BUB1: variants seen among roughly 807,000 people sequenced by gnomAD.
BUB1 encodes BUB1 mitotic checkpoint serine/threonine kinase.
A neutral mutation model predicts 135.2 loss-of-function variants in BUB1; 84 were observed. That is an observed-to-expected ratio of 0.62 (90% CI 0.52 to 0.74). The LOEUF (loss-of-function observed/expected upper bound fraction) is 0.74. Ranked by LOEUF, BUB1 falls within the 30% of genes least tolerant of loss-of-function variation. The probability of loss-of-function intolerance (pLI) is 0.00; values close to 1 mark genes in which losing one functional copy is unlikely to be tolerated. For synonymous variants in BUB1, 403 were observed against 434.4 expected (o/e 0.93, Z 0.90); for missense variants, 1,162 against 1,288.3 (o/e 0.90, Z 1.50).
rs1046571994 is a variant in BUB1 at position 110,667,825 on chromosome 2, A to G, written c.592T>C (p.Ser198Pro). 5.6e-6 allele frequency: 9 copies of G among 1,613,402 alleles called. No homozygotes were observed. Among genetic ancestry groups the G allele is most frequent in the Non-Finnish European group, 7.6e-6 (9 of 1,179,934 alleles). Reference protein sequence around the residue: ...NQGSELSGVISSACDKESNME... With the variant: ...NQGSELSGVIPSACDKESNME... ...TTTGACTCTTTATCACAAGCTGAAG[A>G]TATCACTCCAGAAAGCTCTGAACCC... Residue 198 changes from serine (S) to proline (P), a missense_variant, in exon 7 of 25, where the codon TCT (serine) becomes CCT (proline). Physicochemically the swap from Ser to Pro is moderately conservative, Grantham distance 74. Transcript: ENST00000302759.
intron 4 of BUB1, 125 bp from the exon 5 acceptor site, chr2:110,670,693 G>A: frequency 1.1e-6 from 1 of 875,670 alleles, no homozygotes; most frequent in Non-Finnish European, 1.7e-6. Context: ...AAGAGAGAAT[G>A]TACAGTTGCA....
At position 110,641,890 on chromosome 2, in the gene BUB1, G is replaced by A. The variant is rs568383960; in HGVS notation, c.2464-87C>T. Reference sequence around the variant, plus strand: ...AGCAACCTCTATCCCAATAAAAGATGTGGTGTTGATAGTGATGACAAGCTA... The same window carrying A: ...AGCAACCTCTATCCCAATAAAAGATATGGTGTTGATAGTGATGACAAGCTA... On this transcript the variant is annotated intron_variant, in intron 20 of 24. Transcript: ENST00000302759. 137 of 1,418,088 alleles carry A rather than the reference G, an allele frequency of 9.7e-5. No individual in the cohort carries two copies. In the East Asian group the frequency reaches 2.8e-3, roughly 29 times the overall value. The allele number at this position is 1,418,088 out of a possible 1,614,324, so 87.8% of individuals were successfully genotyped here. A position where few individuals can be genotyped will look rare whatever the true frequency, so the allele number is the denominator to read the frequency against.
intron 18 of BUB1, 141 bp downstream of exon 18, chr2:110,650,405 A>T: frequency 1.4e-6 from 1 of 697,230 alleles, no homozygotes. Context: ...ATTGTGATGC[A>T]TTATGCAAGT....
chr2:110,667,401 G>C, intron 8 of BUB1, 120 bp downstream of exon 8: 3 of 1,088,302 alleles, frequency 2.8e-6, no homozygotes, highest in Non-Finnish European at 3.9e-6. Context: ...GATAGGATGA[G>C]ATGAAGACTT....
chr2:110,655,889 A>G lies in BUB1; in HGVS notation c.1726T>C (p.Leu576=), dbSNP rs1311895785. ...ATACCCCATACAGTTGAGTCATCCA[A>G]AAACTCTTCAGCATGAGGCACTTCC... ...KEEVPHAEEF[L]DDSTVWGIRC... The change falls in exon 16 of 25, where the codon TTG becomes CTG. Residue 576 remains leucine, a synonymous_variant. Coordinates refer to ENST00000302759, the MANE Select transcript of BUB1 (RefSeq NM_004336.5). 3 of 1,613,502 alleles carry G rather than the reference A, an allele frequency of 1.9e-6. No homozygotes were observed. The highest frequency in any genetic ancestry group is 2.5e-6 in the Non-Finnish European group (3 of 1,179,646).
intron 14 of BUB1, 55 bp from the exon 15 acceptor site, chr2:110,657,172 C>G (rs908380592): frequency 6.9e-7 from 1 of 1,452,970 alleles, no homozygotes; most frequent in African/African-American, 1.4e-5. Flanking sequence ...GAAATAAATG[C>G]TATCACTTGA....
chr2:110,677,878 G>A (rs1690635604), intron 1 of BUB1, 92 bp downstream of exon 1: 1 of 1,439,846 alleles, frequency 6.9e-7, no homozygotes, highest in Non-Finnish European at 9.5e-7. Flanking sequence ...GGGGCGAAGG[G>A]GGCAAAAGAA....
Position 110,649,385 on chromosome 2 carries a change from G to GAA in BUB1, c.2204-10_2204-9dup. 7.1e-7 allele frequency: 1 copy of GAA among 1,410,256 alleles called. No individual in the cohort carries two copies. The highest frequency in any genetic ancestry group is 9.3e-7 in the Non-Finnish European group (1 of 1,077,372). The allele number at this position is 1,410,256 out of a possible 1,614,324, so 87.4% of individuals were successfully genotyped here. Reference sequence around the variant, plus strand: ...GGTTCCCAACAATGAAGTCTTAAAGGAATGAGAAAAAAAAAAAAAAAGGGA... The same window carrying GAA: ...GGTTCCCAACAATGAAGTCTTAAAGGAAAATGAGAAAAAAAAAAAAAAAGGGA... On this transcript the variant is annotated splice_polypyrimidine_tract_variant and intron_variant, in intron 18 of 24. Coordinates refer to ENST00000302759, the MANE Select transcript of BUB1 (RefSeq NM_004336.5).
At chr2:110,663,945 C>T (rs1044924322) in intron 9 of BUB1, among the ~76,000 whole-genome samples, 4 of 149,636 alleles carry the variant, frequency 2.7e-5, no homozygotes, top group African/African-American at 7.4e-5. Context: ...AGGAGAATGG[C>T]GTGAACCCGG....
In BUB1 at chr2:110,658,680, C is replaced by T; in HGVS notation, c.1339G>A (p.Gly447Arg). Residue 447 changes from glycine (G) to arginine (R), a missense_variant, in exon 12 of 25, where the codon GGA becomes AGA. By Grantham distance (125) the Gly-to-Arg change is moderately radical (BLOSUM62 -2). Coordinates refer to ENST00000302759, the MANE Select transcript of BUB1 (RefSeq NM_004336.5). ...SFHTTPNTSLGMVQATPSKVQ... is the reference protein window; with the variant it reads ...SFHTTPNTSLRMVQATPSKVQ... Reference sequence around the variant, plus strand: ...TTGGATGGCGTTGCCTGAACCATTCCCAGTGATGTGTTTGGAGTTGTGTGA... The same window carrying T: ...TTGGATGGCGTTGCCTGAACCATTCTCAGTGATGTGTTTGGAGTTGTGTGA... 2 of 1,614,130 alleles carry T rather than the reference C, an allele frequency of 1.2e-6. No individual in the cohort carries two copies. The highest frequency in any genetic ancestry group is 1.7e-6 in the Non-Finnish European group (2 of 1,180,018).
At position 110,668,635 on chromosome 2, in the gene BUB1, A is replaced by C. The variant is rs1307494535; in HGVS notation, c.568-786T>G. The stretch of plus-strand genomic sequence containing the variant: ...AGTTGGGAAACATGAGGCTGAGGGA[A>C]GAAGAGAGACTTGAGCATTTTCCCA... On this transcript the variant is annotated intron_variant, in intron 6 of 24. Transcript: ENST00000302759. Among the ~76,000 whole-genome samples, 3 of 152,204 alleles carry C rather than the reference A, an allele frequency of 2.0e-5. No individual in the cohort carries two copies. The East Asian group carries it at 5.8e-4, about 29-fold the overall frequency.
At chr2:110,644,666 G>A (rs1201817738) in intron 19 of BUB1, among the ~76,000 whole-genome samples, 1 of 151,994 alleles carries the variant, frequency 6.6e-6, no homozygotes, top group Non-Finnish European at 1.5e-5. Flanking sequence ...AAAGAAGCAA[G>A]ACAAAACCAT....
chr2:110,642,785 G>A (rs1689539717), intron 19 of BUB1: 1 of 152,358 alleles, frequency 6.6e-6, no homozygotes, highest in South Asian at 2.1e-4. Flanking sequence ...TTGACCTCCT[G>A]GGCCCAAGTG....
Position 110,637,841 on chromosome 2 carries a change from A to T in BUB1, c.*123T>A. On this transcript the variant is annotated 3_prime_UTR_variant, in exon 25 of 25. Coordinates refer to ENST00000302759, the MANE Select transcript of BUB1 (RefSeq NM_004336.5). ...ATTTATAACAACTAAGTTACATGGA[A>T]ATATTCCATGGGATTTATTTTTAAC... is the stretch of plus-strand genomic sequence containing the variant. 1.3e-6 allele frequency: 1 copy of T among 747,878 alleles called. No individual in the cohort carries two copies. 46.3% of individuals were successfully genotyped at this position (747,878 alleles called of 1,614,324 possible).
chr2:110,650,853 T>G (rs1189473848), intron 17 of BUB1, 69 bp from the exon 18 acceptor site: 2 of 1,384,328 alleles, frequency 1.4e-6, no homozygotes, highest in Non-Finnish European at 2.0e-6. Flanking sequence ...TTCAGTCACA[T>G]GAAATTCCCT....
At chr2:110,654,128 T>C (rs190260903) in intron 16 of BUB1, among the ~76,000 whole-genome samples, 128 of 152,132 alleles carry the variant, frequency 8.4e-4, no homozygotes, top group African/African-American at 2.9e-3. Context: ...CCATGGGAAG[T>C]TACTGGTACG....
At chr2:110,665,571 TTGTGTGTGTG>T (rs34442113) in intron 9 of BUB1, among the ~76,000 whole-genome samples, 8 of 141,078 alleles carry the variant, frequency 5.7e-5, no homozygotes, top group African/African-American at 1.0e-4. Context: ...AAAAGAATGT[TTGTGTGTGTG>T]TGTGTGTGTG....
chr2:110,645,366 G>A (rs771435061), intron 19 of BUB1, among the ~76,000 whole-genome samples: 4 of 151,750 alleles, frequency 2.6e-5, no homozygotes, highest in East Asian at 1.9e-4. Context: ...CCTGGGAGGC[G>A]GAGGTGGCAA....
rs1461218213 is a variant in BUB1, at chr2:110,648,262, T to G, written c.2347+972A>C. Reference sequence around the variant, plus strand: ...TGAAATGACACAAGGGAACCTTAAATGCATATTGCTAAGTAAAAGATGCCA... The same window carrying G: ...TGAAATGACACAAGGGAACCTTAAAGGCATATTGCTAAGTAAAAGATGCCA... On this transcript the variant is annotated intron_variant, in intron 19 of 24. Coordinates refer to ENST00000302759, the MANE Select transcript of BUB1 (RefSeq NM_004336.5). This position sits in a 1 kb window ranked among gnomAD's most constrained non-coding sequence, Gnocchi z 4.2. Among the ~76,000 whole-genome samples, 1 of 150,748 alleles carries G rather than the reference T, an allele frequency of 6.6e-6. No individual in the cohort carries two copies. The highest frequency in any genetic ancestry group is 2.4e-5 in the African/African-American group (1 of 41,146).
Sources: allele counts gnomAD v4.1 joint callset (sites outside exome capture counted in the v4.1 genomes callset), GRCh38; gene constraint gnomAD v4.1.1; non-coding constraint Gnocchi (gnomAD v3.1); transcripts MANE v1.5; gene names NCBI Gene and HGNC (gene_info 2026-07-23, HGNC 2026-07-21).